The following EPB41L3 variants were observed in gnomAD, a reference collection of about 807,000 sequenced individuals.
EPB41L3 encodes band 4.1-like protein 3.
Under a neutral mutation model 127.1 loss-of-function variants are expected in EPB41L3, and 57 were observed. The ratio of observed to expected loss-of-function variants is 0.45; its 90% confidence interval spans 0.36 to 0.56. EPB41L3 has a LOEUF of 0.56. EPB41L3 is among the 20% of genes least tolerant of loss of function. The pLI is 0.00. For synonymous variants in EPB41L3, 572 were observed against 549.5 expected, an observed-to-expected ratio of 1.04 and a Z score of -0.57; for missense variants, 1,273 against 1,372.2, an observed-to-expected ratio of 0.93 and a Z score of 1.14.
At chr18:5,593,782 C>A (rs578249396) in intron 3 of EPB41L3, among the ~76,000 whole-genome samples, 83 of 152,252 alleles carry the variant, frequency 5.5e-4, no homozygotes, top group African/African-American at 1.4e-3. Flanking sequence ...CCTTCAGGGG[C>A]GCATTCTCTT....
upstream of EPB41L3, among the ~76,000 whole-genome samples, chr18:5,629,620 G>C (rs1001266833): frequency 2.0e-4 from 31 of 152,302 alleles, no homozygotes; most frequent in Middle Eastern, 3.4e-3. Flanking sequence ...CGTTTCCCCA[G>C]GGCGAGCAAG....
intron 3 of EPB41L3, among the ~76,000 whole-genome samples, chr18:5,555,192 G>T (rs373872414): frequency 6.6e-6 from 1 of 152,070 alleles, no homozygotes; most frequent in Non-Finnish European, 1.5e-5. Flanking sequence ...TTCCTTCATC[G>T]ATCTCCTTAT....
chr18:5,396,509 T>C (rs1204685725), intron 18 of EPB41L3, among the ~76,000 whole-genome samples, 177 bp from the exon 19 acceptor site: 4 of 151,798 alleles, frequency 2.6e-5, no homozygotes, highest in East Asian at 1.9e-4. Flanking sequence ...TGGACTCTCA[T>C]AGCACTTTTA....
intron 3 of EPB41L3, among the ~76,000 whole-genome samples, chr18:5,584,471 T>C (rs1178650637): frequency 2.6e-5 from 4 of 152,338 alleles, no homozygotes; most frequent in East Asian, 1.9e-4. Flanking sequence ...GGTCATTTCA[T>C]AGTTTTATAA....
upstream of EPB41L3, among the ~76,000 whole-genome samples, chr18:5,630,109 G>C (rs1000857701): frequency 6.6e-6 from 1 of 152,220 alleles, no homozygotes; most frequent in African/African-American, 2.4e-5. Context: ...GGTCGATCCC[G>C]GTCAGCTTAA....
chr18:5,404,855 T>C (rs187654838), intron 16 of EPB41L3, among the ~76,000 whole-genome samples: 4 of 152,170 alleles, frequency 2.6e-5, no homozygotes, highest in African/African-American at 9.7e-5. Context: ...CCAAAAGAGG[T>C]AGTAGAAATA....
chr18:5,404,659 A>G (rs1004811119), intron 16 of EPB41L3, among the ~76,000 whole-genome samples: 1 of 152,222 alleles, frequency 6.6e-6, no homozygotes, highest in Non-Finnish European at 1.5e-5. Flanking sequence ...GCCTGGACTT[A>G]TGAAGTTCCC....
chr18:5,485,629 A>T (rs2089616901), intron 2 of EPB41L3, among the ~76,000 whole-genome samples: 1 of 152,100 alleles, frequency 6.6e-6, no homozygotes. Context: ...GAGAACTGAT[A>T]GATGAATTCA....
chr18:5,453,808 T>A (rs2082623637), intron 3 of EPB41L3, among the ~76,000 whole-genome samples: 1 of 152,212 alleles, frequency 6.6e-6, no homozygotes, highest in African/African-American at 2.4e-5. Context: ...AGGCATTCGA[T>A]CTATGTGTCT....
rs1363109938 is a variant in EPB41L3, at chr18:5,415,852, AG to A, written c.2032del (p.Leu678Ter). On this transcript the variant is annotated frameshift_variant, in exon 13 of 23. Coordinates refer to ENST00000341928, the MANE Select transcript of EPB41L3 (RefSeq NM_012307.5). LOFTEE classifies it high-confidence loss of function. ...EPKAASLSAS[L>X]DNDPSDSSEE... ...TGAACTGTCACTCGGGTCATTGTCTAGGGAGGCGCTCAAGGAGGCCGCCTTG... is the reference window on the plus strand; with the variant it reads ...TGAACTGTCACTCGGGTCATTGTCTAGGAGGCGCTCAAGGAGGCCGCCTTG... The A allele has an allele frequency of 6.2e-7, 1 of 1,613,270 alleles. No individual in the cohort carries two copies. Among genetic ancestry groups the A allele is most frequent in the Admixed American group, 1.7e-5 (1 of 60,010 alleles).
At chr18:5,519,030 G>A (rs563833881) in intron 1 of EPB41L3, among the ~76,000 whole-genome samples, 2 of 152,290 alleles carry the variant, frequency 1.3e-5, no homozygotes, top group South Asian at 4.1e-4. Flanking sequence ...CGTGTGTCAA[G>A]TGACATCCCA....
intron 11 of EPB41L3, among the ~76,000 whole-genome samples, chr18:5,422,256 C>T (rs1598738623): frequency 6.6e-6 from 1 of 152,112 alleles, no homozygotes; most frequent in East Asian, 1.9e-4. Flanking sequence ...TAATATAGCA[C>T]TAATAATGCC....
chr18:5,436,934 T>C (rs2079927506), intron 6 of EPB41L3, among the ~76,000 whole-genome samples: 1 of 152,220 alleles, frequency 6.6e-6, no homozygotes, highest in Admixed American at 6.5e-5. Flanking sequence ...TGAAGTTGTT[T>C]TGAGTAATTT....
intron 1 of EPB41L3, among the ~76,000 whole-genome samples, chr18:5,541,476 A>G (rs2149057700): frequency 6.6e-6 from 1 of 151,618 alleles, no homozygotes; most frequent in East Asian, 1.9e-4. Context: ...TGCCACACTT[A>G]ATCTAATATA....
chr18:5,504,468 T>C (rs539297474), intron 1 of EPB41L3, among the ~76,000 whole-genome samples: 1 of 152,060 alleles, frequency 6.6e-6, no homozygotes, highest in Admixed American at 6.6e-5. Context: ...CACACAGGAG[T>C]GGGACCGGCA....
intron 1 of EPB41L3, among the ~76,000 whole-genome samples, chr18:5,514,679 A>C (rs2092682679): frequency 6.6e-6 from 1 of 152,190 alleles, no homozygotes; most frequent in Non-Finnish European, 1.5e-5. Flanking sequence ...GCTAAGTCTC[A>C]GAAATGTATT....
intron 3 of EPB41L3, among the ~76,000 whole-genome samples, chr18:5,461,345 C>T (rs565879134): frequency 2.6e-5 from 4 of 152,262 alleles, no homozygotes; most frequent in Admixed American, 1.3e-4. Flanking sequence ...GCTGCCTGTG[C>T]GTCTGCAAAC....
chr18:5,452,571 T>A (rs1009586009), intron 3 of EPB41L3, among the ~76,000 whole-genome samples: 2 of 152,136 alleles, frequency 1.3e-5, no homozygotes, highest in Non-Finnish European at 2.9e-5. Context: ...GGTCTTTCTA[T>A]GCTGCCCCAG....
chr18:5,585,799 T>C (rs1015343743), intron 3 of EPB41L3, among the ~76,000 whole-genome samples: 2 of 152,198 alleles, frequency 1.3e-5, no homozygotes, highest in African/African-American at 2.4e-5. Context: ...GGAGACACTA[T>C]GAAGACTAAA....
Sources: gnomAD v4.1 joint callset for allele counts (sites outside exome capture counted in the v4.1 genomes callset) on GRCh38, gnomAD v4.1.1 for gene constraint, MANE v1.5 for transcripts, NCBI Gene and HGNC (gene_info 2026-07-23, HGNC 2026-07-21) for gene names.